The following ZNF502 variants were observed in gnomAD, a reference collection of about 807,000 sequenced individuals.
ZNF502 encodes the protein zinc finger protein 502.
A neutral mutation model predicts 43.6 loss-of-function variants in ZNF502; 29 were observed. The ratio of observed to expected loss-of-function variants is 0.67; its 90% CI spans 0.50 to 0.91. The LOEUF (loss-of-function observed/expected upper bound fraction) is 0.91. ZNF502 is among the 40% of genes least tolerant of loss of function. The pLI is 0.00. For synonymous variants in ZNF502, 171 were observed against 207.4 expected (o/e 0.82, Z 1.51); for missense variants, 591 against 647.2 (o/e 0.91, Z 0.94).
At chr3:44,715,474 A>G (rs1704121618) in intron 1 of ZNF502, among the ~76,000 whole-genome samples, 1 of 152,158 alleles carries the variant, frequency 6.6e-6, no homozygotes, top group Non-Finnish European at 1.5e-5. Context: ...AGTTATTCCT[A>G]TGGGAAAATT....
rs1241067739 is a variant in ZNF502, at chr3:44,721,766, C to T, written c.949C>T (p.His317Tyr). The T allele has an allele frequency of 6.2e-7, 1 of 1,613,572 alleles. No homozygotes were observed. ...HSNLTQHQRIHTGEKPHKCDE... is the reference protein window; with the variant it reads ...HSNLTQHQRIYTGEKPHKCDE... ...AAATCTTACGCAACATCAGAGAATT[C>T]ACACTGGGGAAAAACCCCATAAATG... Residue 317 changes from histidine to tyrosine, a missense_variant, in exon 3 of 3, where the codon CAC becomes TAC. Transcript: ENST00000436624.
At chr3:44,716,188 CTTTTT>C (rs545864492) in intron 1 of ZNF502, among the ~76,000 whole-genome samples, 8 of 138,688 alleles carry the variant, frequency 5.8e-5, no homozygotes, top group Non-Finnish European at 1.3e-4. Context: ...AGAATATAGT[CTTTTT>C]TTTTTTTTTT....
At chr3:44,716,301 C>T (rs1161857429) in intron 1 of ZNF502, among the ~76,000 whole-genome samples, 3 of 151,820 alleles carry the variant, frequency 2.0e-5, no homozygotes, top group African/African-American at 7.3e-5. Context: ...AATTCTCCTG[C>T]CTCAGCCTCC....
chr3:44,722,607 A>G lies in ZNF502; in HGVS notation c.*155A>G, dbSNP rs1704393908. ...TTTCCAGAAATGGAGGTGGGAGCTT[A>G]GGGAATGCAGAGCCTACTTGAGGTG... On this transcript the variant is annotated 3_prime_UTR_variant, in exon 3 of 3. Coordinates refer to ENST00000436624, the MANE Select transcript of ZNF502 (RefSeq NM_001134442.3). The G allele has an allele frequency of 1.0e-6, 1 of 998,336 alleles. No homozygotes were observed. Among genetic ancestry groups the G allele is most frequent in the East Asian group, 2.5e-5 (1 of 40,526 alleles). The allele number at this position is 998,336 out of a possible 1,614,324, so 61.8% of individuals were successfully genotyped here.
At position 44,721,356 on chromosome 3, in the gene ZNF502, A is replaced by C; in HGVS notation, c.539A>C (p.Glu180Ala). The change falls in exon 3 of 3, where the codon GAG becomes GCG. Residue 180 changes from glutamate (E) to alanine (A), a missense_variant. Transcript: ENST00000436624. Reference protein sequence around the residue: ...LTQHQRTHTGERPYTCEECGK... With the variant: ...LTQHQRTHTGARPYTCEECGK... ...CAACATCAGAGAACTCATACTGGAGAGAGACCCTACACATGTGAGGAATGT... is the reference window on the plus strand; with the variant it reads ...CAACATCAGAGAACTCATACTGGAGCGAGACCCTACACATGTGAGGAATGT... The C allele has an allele frequency of 6.2e-7, 1 of 1,614,178 alleles. No individual in the cohort carries two copies.
Position 44,720,203 on chromosome 3 carries a change from G to T in ZNF502, c.-59G>T. The T allele has an allele frequency of 6.3e-7, 1 of 1,593,530 alleles. No individual in the cohort carries two copies. Among genetic ancestry groups the T allele is most frequent in the Non-Finnish European group, 8.6e-7 (1 of 1,161,376 alleles). ...CTGCACCTTTTCTCCCCATGAGCAG[G>T]GTTCCCAGTTTTCCAGACCTGAAGT... On this transcript the variant is annotated splice_region_variant and 5_prime_UTR_variant, in exon 2 of 3. The change creates a new upstream start codon in the 5' untranslated region. Coordinates refer to ENST00000436624, the MANE Select transcript of ZNF502 (RefSeq NM_001134442.3).
rs767905551 is a variant in ZNF502, at chr3:44,721,485, G to C, written c.668G>C (p.Arg223Pro). Residue 223 changes from arginine to proline, a missense_variant, in exon 3 of 3, where the codon CGA becomes CCA. Transcript: ENST00000436624. ...CAGTGTGGGAAAACATTTCGATGTCGATCATTTCTTACTCAGCATCAAAGA... is the reference window on the plus strand; with the variant it reads ...CAGTGTGGGAAAACATTTCGATGTCCATCATTTCTTACTCAGCATCAAAGA... ...CEQCGKTFRC[R>P]SFLTQHQRIH... 6 of 1,614,002 alleles carry C rather than the reference G, an allele frequency of 3.7e-6. No homozygotes were observed. In the East Asian group the frequency reaches 1.1e-4, roughly 30 times the overall value.
intron 1 of ZNF502, among the ~76,000 whole-genome samples, chr3:44,718,988 T>G (rs1704226297): frequency 6.6e-6 from 1 of 151,832 alleles, no homozygotes; most frequent in African/African-American, 2.4e-5. Context: ...TTTTTTTTTT[T>G]TTTGAGATGG....
At position 44,721,613 on chromosome 3, in the gene ZNF502, C is replaced by T. The variant is rs372093414; in HGVS notation, c.796C>T (p.Pro266Ser). The T allele has an allele frequency of 1.4e-5, 22 of 1,613,990 alleles. No individual in the cohort carries two copies. Among genetic ancestry groups the T allele is most frequent in the African/African-American group, 1.3e-5 (1 of 74,928 alleles). The change falls in exon 3 of 3, where the codon CCT (proline) becomes TCT (serine). Residue 266 changes from proline to serine, a missense_variant. Physicochemically the swap from Pro to Ser is moderately conservative, Grantham distance 74. Transcript: ENST00000436624. ...EHQRIHTGEKPYKCNRCGKAF... is the reference protein window; with the variant it reads ...EHQRIHTGEKSYKCNRCGKAF... Reference sequence around the variant, plus strand: ...CCAGAGAATTCACACTGGAGAGAAACCTTATAAATGCAATAGGTGTGGGAA... The same window carrying T: ...CCAGAGAATTCACACTGGAGAGAAATCTTATAAATGCAATAGGTGTGGGAA...
chr3:44,722,001 C>T lies in ZNF502; in HGVS notation c.1184C>T (p.Thr395Ile), dbSNP rs1228310484. ...GCGTTTACTCAGAGCACCCCACTCA[C>T]TAAACATCAGAGAATACATACAGGG... ...GKAFTQSTPL[T>I]KHQRIHTGER... Residue 395 changes from threonine (T) to isoleucine (I), a missense_variant, in exon 3 of 3, where the codon ACT (threonine) becomes ATT (isoleucine). Transcript: ENST00000436624. The T allele has an allele frequency of 3.1e-6, 5 of 1,614,052 alleles. No homozygotes were observed. In the African/African-American group the frequency reaches 5.3e-5, roughly 17 times the overall value.
intron 1 of ZNF502, among the ~76,000 whole-genome samples, chr3:44,717,556 C>T (rs922695356): frequency 3.9e-5 from 6 of 151,922 alleles, no homozygotes; most frequent in Admixed American, 6.6e-5. Flanking sequence ...GGATTACAGG[C>T]ATGTGCCACC....
intron 1 of ZNF502, among the ~76,000 whole-genome samples, chr3:44,714,059 C>T (rs977946571): frequency 1.3e-5 from 2 of 152,084 alleles, no homozygotes; most frequent in Non-Finnish European, 2.9e-5. Flanking sequence ...GAGTACATTT[C>T]AATGTGGTCT....
At chr3:44,713,587 T>G (rs555292404) in intron 1 of ZNF502, among the ~76,000 whole-genome samples, 1 of 139,028 alleles carries the variant, frequency 7.2e-6, no homozygotes, top group East Asian at 2.0e-4. Flanking sequence ...TTTTGGTTTG[T>G]TTTTTTTTTT....
At chr3:44,714,930 A>G (rs999084552) in intron 1 of ZNF502, among the ~76,000 whole-genome samples, 3 of 152,244 alleles carry the variant, frequency 2.0e-5, no homozygotes, top group Non-Finnish European at 2.9e-5. Context: ...CCAGTCTACT[A>G]TCATCTTGTG....
In ZNF502 at chr3:44,720,880, A is replaced by G; in HGVS notation, c.63A>G (p.Val21=). 6.2e-7 allele frequency: 1 copy of G among 1,609,718 alleles called. No homozygotes were observed. The highest frequency in any genetic ancestry group is 8.5e-7 in the Non-Finnish European group (1 of 1,177,974). The change falls in exon 3 of 3, where the codon GTA becomes GTG. Residue 21 remains valine (V), a synonymous_variant. Transcript: ENST00000436624. The part of the protein sequence containing the change: ...DIRRETCPGW[V]NKNKPALEQD... The stretch of plus-strand genomic sequence containing the variant: ...TCTGCTGTTTTCTTTCAGGCTGGGT[A>G]AACAAGAACAAGCCTGCTCTGGAGC...
At chr3:44,718,940 G>C (rs1210087156) in intron 1 of ZNF502, among the ~76,000 whole-genome samples, 2 of 150,958 alleles carry the variant, frequency 1.3e-5, no homozygotes, top group Non-Finnish European at 2.9e-5. Context: ...CTGTGAATGA[G>C]AATCAGAATC....
chr3:44,722,128 C>T lies in ZNF502; in HGVS notation c.1311C>T (p.Cys437=). 1 of 1,614,124 alleles carries T rather than the reference C, an allele frequency of 6.2e-7. No individual in the cohort carries two copies. The highest frequency in any genetic ancestry group is 1.1e-5 in the South Asian group (1 of 91,086). Residue 437 remains cysteine, a synonymous_variant, in exon 3 of 3, where the codon TGC becomes TGT. Transcript: ENST00000436624. ...RSHTGEKPYK[C]NECGKGFNQN... ...ACACTGGAGAAAAACCCTATAAATGCAATGAATGTGGAAAGGGCTTTAATC... is the reference window on the plus strand; with the variant it reads ...ACACTGGAGAAAAACCCTATAAATGTAATGAATGTGGAAAGGGCTTTAATC...
In ZNF502 at chr3:44,717,709, C is replaced by T. The variant is rs1347146477; in HGVS notation, c.-59-2494C>T. Among the ~76,000 whole-genome samples the T allele has an allele frequency of 2.0e-5, 3 of 152,306 alleles. No individual in the cohort carries two copies. In the East Asian group the frequency reaches 5.8e-4, roughly 29 times the overall value. The stretch of plus-strand genomic sequence containing the variant: ...TACAGGCATGAGCCACCACACCCGG[C>T]CAATGCAATCATATTAATAGCTCAC... On this transcript the variant is annotated intron_variant, in intron 1 of 2. Transcript: ENST00000436624.
At position 44,722,308 on chromosome 3, in the gene ZNF502, G is replaced by A. The variant is rs1360228084; in HGVS notation, c.1491G>A (p.Glu497=). ...GEKLYKCSEC[E]KTFRKYAHLS... is the part of the protein sequence containing the mutation. ...AGCTCTATAAATGTAGTGAGTGTGA[G>A]AAAACCTTCCGCAAGTATGCACACC... Residue 497 remains glutamate, a synonymous_variant, in exon 3 of 3, where the codon GAG becomes GAA. Coordinates refer to ENST00000436624, the MANE Select transcript of ZNF502 (RefSeq NM_001134442.3). 3 of 1,614,070 alleles carry A rather than the reference G, an allele frequency of 1.9e-6. No homozygotes were observed. The highest frequency in any genetic ancestry group is 2.5e-6 in the Non-Finnish European group (3 of 1,180,036).
Sources: gnomAD v4.1 joint callset for allele counts (sites outside exome capture counted in the v4.1 genomes callset) on GRCh38, gnomAD v4.1.1 for gene constraint, MANE v1.5 for transcripts, NCBI Gene and HGNC (gene_info 2026-07-23, HGNC 2026-07-21) for gene names.